Variants in GTF2H1 observed in about 807,000 individuals in gnomAD.
GTF2H1 encodes the protein general transcription factor IIH subunit 1.
Under a neutral mutation model 71.2 loss-of-function variants are expected in GTF2H1, and 16 were observed. The observed-to-expected ratio is 0.22, with a 90% CI of 0.15 to 0.34. The LOEUF (loss-of-function observed/expected upper bound fraction) is 0.34, where lower values mean the gene tolerates loss of function less well. Ranked by LOEUF, GTF2H1 falls within the 10% of genes least tolerant of loss-of-function variation. GTF2H1 has a pLI of 1.00. For missense variants in GTF2H1, 498 were observed against 648.2 expected, an observed-to-expected ratio of 0.77 and a Z score of 2.52; for synonymous variants, 215 against 219.0, an observed-to-expected ratio of 0.98 and a Z score of 0.16.
At position 18,352,405 on chromosome 11, in the gene GTF2H1, A is replaced by G. The variant is rs749935579; in HGVS notation, c.1219A>G (p.Ile407Val). The G allele has an allele frequency of 1.3e-6, 2 of 1,568,488 alleles. No individual in the cohort carries two copies. Among genetic ancestry groups the G allele is most frequent in the Non-Finnish European group, 1.8e-6 (2 of 1,138,662 alleles). Residue 407 changes from isoleucine to valine, a missense_variant, in exon 11 of 15, where the codon ATT becomes GTT. Around this residue, in one of 3 missense-constraint regions of GTF2H1, gnomAD observed 266 missense variants for 301.6 expected, o/e 0.88. Coordinates refer to ENST00000265963, the MANE Select transcript of GTF2H1 (RefSeq NM_005316.4). ...GGACATTATTAATTCTTTTCAAAGT[A>G]TTAGACAAGAAATGGAAGCTTATAC... Reference protein sequence around the residue: ...SQDIINSFQSIRQEMEAYTPK... With the variant: ...SQDIINSFQSVRQEMEAYTPK...
chr11:18,323,650 C>A (rs565233019), intron 1 of GTF2H1, among the ~76,000 whole-genome samples: 2 of 152,216 alleles, frequency 1.3e-5, no homozygotes, highest in African/African-American at 4.8e-5. Context: ...TTGTGATTTT[C>A]AAACATTTTA....
At chr11:18,332,978 A>T (rs1205859486) in intron 1 of GTF2H1, 82 bp from the exon 2 acceptor site, 6 of 844,572 alleles carry the variant, frequency 7.1e-6, no homozygotes, top group Non-Finnish European at 1.0e-5. Flanking sequence ...TTTATATTTG[A>T]AAGGGACTCT....
At chr11:18,324,716 A>G (rs1342108409) in intron 1 of GTF2H1, among the ~76,000 whole-genome samples, 2 of 151,380 alleles carry the variant, frequency 1.3e-5, no homozygotes, top group Non-Finnish European at 2.9e-5. Context: ...AGTATCAGCC[A>G]TTGACCTAGT....
intron 3 of GTF2H1, among the ~76,000 whole-genome samples, chr11:18,336,553 GCA>G (rs1865033750): frequency 6.6e-6 from 1 of 152,138 alleles, no homozygotes; most frequent in South Asian, 2.1e-4. Flanking sequence ...ACGAGAATGT[GCA>G]AACCCAGAAG....
intron 11 of GTF2H1, among the ~76,000 whole-genome samples, chr11:18,354,512 A>G (rs976091065): frequency 6.6e-6 from 1 of 152,070 alleles, no homozygotes; most frequent in East Asian, 1.9e-4. Context: ...GCTCCGTTCA[A>G]CCTCAGACTC....
Position 18,347,670 on chromosome 11 carries a change from T to A in GTF2H1, c.920T>A (p.Phe307Tyr), listed in dbSNP as rs200679145. The A allele has an allele frequency of 4.3e-5, 69 of 1,613,334 alleles. No individual in the cohort carries two copies. The highest frequency in any genetic ancestry group is 3.3e-4 in the Admixed American group (20 of 60,006). Residue 307 changes from phenylalanine (F) to tyrosine (Y), a missense_variant, in exon 8 of 15, where the codon TTT (phenylalanine) becomes TAT (tyrosine). Around this residue, in one of 3 missense-constraint regions of GTF2H1, gnomAD observed 266 missense variants for 301.6 expected, o/e 0.88. Transcript: ENST00000265963. ...AGTAATGCTGCCATCATCAAGAGATTTAACCATCACAGTGCCATGGTCCTG... is the reference window on the plus strand; with the variant it reads ...AGTAATGCTGCCATCATCAAGAGATATAACCATCACAGTGCCATGGTCCTG... The part of the protein sequence containing the change: ...ENSNAAIIKR[F>Y]NHHSAMVLAA...
At chr11:18,360,752 A>G (rs375088625) in intron 14 of GTF2H1, 45 bp downstream of exon 14, 2 of 975,240 alleles carry the variant, frequency 2.1e-6, no homozygotes, top group Non-Finnish European at 3.1e-6. Context: ...TTCTCTTTGT[A>G]GTAAAATGAT....
chr11:18,355,889 A>G (rs1428153880), intron 11 of GTF2H1, among the ~76,000 whole-genome samples: 2 of 152,164 alleles, frequency 1.3e-5, no homozygotes, highest in Non-Finnish European at 2.9e-5. Context: ...CACCCCAGAA[A>G]GTCTACCCAT....
At chr11:18,365,379 A>G (rs536796581) in intron 14 of GTF2H1, among the ~76,000 whole-genome samples, 2 of 152,214 alleles carry the variant, frequency 1.3e-5, no homozygotes, top group African/African-American at 4.8e-5. Context: ...CTCTGTCTCA[A>G]AAAATAAAAT....
At chr11:18,358,414 T>G in intron 12 of GTF2H1, 111 bp from the exon 13 acceptor site, 1 of 621,478 alleles carries the variant, frequency 1.6e-6, no homozygotes, top group South Asian at 2.2e-5. Context: ...CATCCTGGTT[T>G]GGCATTGACA....
At position 18,339,454 on chromosome 11, in the gene GTF2H1, A is replaced by G. The variant is rs1183916357; in HGVS notation, c.514-110A>G. On this transcript the variant is annotated intron_variant, in intron 4 of 14. Transcript: ENST00000265963. Reference sequence around the variant, plus strand: ...TGAAGGTGAGGGACTTTCTCTGTCTATGCAGTTAGTTCAGAAATTTTTTTT... The same window carrying G: ...TGAAGGTGAGGGACTTTCTCTGTCTGTGCAGTTAGTTCAGAAATTTTTTTT... 7.5e-6 allele frequency: 5 copies of G among 667,574 alleles called. No individual in the cohort carries two copies. In the East Asian group the frequency reaches 1.1e-4, roughly 14 times the overall value. 41.4% of individuals were successfully genotyped at this position (667,574 alleles called of 1,614,324 possible).
At chr11:18,345,597 C>T (rs1429043540) in intron 7 of GTF2H1, among the ~76,000 whole-genome samples, 1 of 150,104 alleles carries the variant, frequency 6.7e-6, no homozygotes, top group Non-Finnish European at 1.5e-5. Context: ...CTCCCGAGTT[C>T]AAGCACTTCT....
At chr11:18,331,111 G>T (rs553159975) in intron 1 of GTF2H1, among the ~76,000 whole-genome samples, 1 of 152,238 alleles carries the variant, frequency 6.6e-6, no homozygotes, top group Admixed American at 6.5e-5. Flanking sequence ...ACAATGTTGC[G>T]ATCTCACCTC....
rs920642027 is a variant in GTF2H1 at position 18,341,582 on chromosome 11, C to T, written c.812C>T (p.Ala271Val). The change falls in exon 7 of 15, where the codon GCT becomes GTT. Residue 271 changes from alanine (A) to valine (V), a missense_variant. By Grantham distance (64) the Ala-to-Val change is moderately conservative (BLOSUM62 0). Around this residue, in one of 3 missense-constraint regions of GTF2H1, gnomAD observed 16 missense variants for 40.5 expected, o/e 0.40. Transcript: ENST00000265963. ...AAAAACCCACTACTAGATTTAACAGCTTTGGAAGATAAACCATTAGATGAG... is the reference window on the plus strand; with the variant it reads ...AAAAACCCACTACTAGATTTAACAGTTTTGGAAGATAAACCATTAGATGAG... ...GVKNPLLDLT[A>V]LEDKPLDEGY... 6.2e-7 allele frequency: 1 copy of T among 1,607,510 alleles called. No homozygotes were observed. The highest frequency in any genetic ancestry group is 1.3e-5 in the African/African-American group (1 of 74,660).
chr11:18,362,552 C>G (rs1261615770), intron 14 of GTF2H1, among the ~76,000 whole-genome samples: 1 of 151,760 alleles, frequency 6.6e-6, no homozygotes, highest in South Asian at 2.1e-4. Flanking sequence ...CCTAAAACAC[C>G]CATTGTATAG....
Position 18,366,108 on chromosome 11 carries a change from T to C in GTF2H1, c.*239T>C, listed in dbSNP as rs535537650. On this transcript the variant is annotated 3_prime_UTR_variant, in exon 15 of 15. Coordinates refer to ENST00000265963, the MANE Select transcript of GTF2H1 (RefSeq NM_005316.4). ...AACCAAATGAGCTAAGTTGCAAATA[T>C]ATATATATACACACACACACATATA... The C allele has an allele frequency of 7.3e-6, 4 of 544,776 alleles. No homozygotes were observed. The highest frequency in any genetic ancestry group is 3.2e-5 in the Admixed American group (1 of 31,188). The allele number at this position is 544,776 out of a possible 1,614,324, so 33.7% of individuals were successfully genotyped here. A position where few individuals can be genotyped will look rare whatever the true frequency, so the allele number is the denominator to read the frequency against.
chr11:18,347,969 C>T (rs1386960730), intron 9 of GTF2H1, 50 bp downstream of exon 9: 22 of 1,105,174 alleles, frequency 2.0e-5, no homozygotes, highest in Non-Finnish European at 2.9e-5. Flanking sequence ...TCTCCAAATA[C>T]TTTATGTGAC....
intron 1 of GTF2H1, chr11:18,332,561 T>C (rs1175114132): frequency 6.6e-6 from 1 of 152,310 alleles, no homozygotes; most frequent in African/African-American, 2.4e-5. Flanking sequence ...TATTTAGTTC[T>C]CTCAGTTTTA....
intron 14 of GTF2H1, among the ~76,000 whole-genome samples, chr11:18,363,633 G>C (rs930940255): frequency 1.3e-4 from 20 of 152,176 alleles, no homozygotes; most frequent in African/African-American, 4.8e-4. Flanking sequence ...AATATTCTAA[G>C]TGGGTTTTCT....
Sources: allele counts gnomAD v4.1 joint callset (sites outside exome capture counted in the v4.1 genomes callset), GRCh38; gene constraint gnomAD v4.1.1; regional missense constraint gnomAD v4.1.1; transcripts MANE v1.5; gene names NCBI Gene and HGNC (gene_info 2026-07-23, HGNC 2026-07-21).